Variants in MREG observed in about 807,000 individuals in gnomAD.
The protein encoded by MREG is melanoregulin.
MREG carries 31 observed loss-of-function variants against 28.5 expected under a neutral mutation model. The ratio of observed to expected loss-of-function variants is 1.09; its 90% CI spans 0.82 to 1.47. MREG has a LOEUF of 1.47. Among genes scored for constraint, MREG ranks in the 40% most tolerant of loss-of-function variants. The pLI is 0.00. For missense variants in MREG, 256 were observed against 257.4 expected, an observed-to-expected ratio of 0.99 and a Z score of 0.04; for synonymous variants, 106 against 95.2, an observed-to-expected ratio of 1.11 and a Z score of -0.66.
chr2:215,957,499 T>C lies in MREG; in HGVS notation c.256-10386A>G, dbSNP rs554045055. On this transcript the variant is annotated intron_variant, in intron 2 of 4. Coordinates refer to ENST00000263268, the MANE Select transcript of MREG (RefSeq NM_018000.3). ...AAGGAGTTTGACGAAGGTAAACCAT[T>C]CCCCTCAAGAGGAAGAAAGAGAGGA... 7.4e-4 allele frequency among the ~76,000 whole-genome samples: 112 copies of C among 152,042 alleles called. 2 individuals are homozygous for C. Among genetic ancestry groups the C allele is most frequent in the South Asian group, 3.5e-3 (17 of 4,798 alleles).
In MREG at chr2:215,943,758, T is replaced by C. The variant is rs1488245566; in HGVS notation, c.*1105A>G. On this transcript the variant is annotated 3_prime_UTR_variant, in exon 5 of 5. Coordinates refer to ENST00000263268, the MANE Select transcript of MREG (RefSeq NM_018000.3). ...CCAGAGGCTGAGGCAGGGGAATCAC[T>C]TGAAACCGGAAGGCGGAGGTTGCAG... The C allele has an allele frequency of 1.6e-5, 4 of 250,086 alleles. No homozygotes were observed. The highest frequency in any genetic ancestry group is 3.2e-5 in the Non-Finnish European group (4 of 125,728). 15.5% of individuals were successfully genotyped at this position (250,086 alleles called of 1,614,324 possible). A position where few individuals can be genotyped will look rare whatever the true frequency, so the allele number is the denominator to read the frequency against.
Position 215,943,258 on chromosome 2 carries a change from T to C in MREG, c.*1605A>G, listed in dbSNP as rs1692227579. On this transcript the variant is annotated 3_prime_UTR_variant, in exon 5 of 5. Transcript: ENST00000263268. ...CTTTTCAGTAACATGAACCATGATCTCTTGACAAGTTCCTTGCTTAAGTGG... is the reference window on the plus strand; with the variant it reads ...CTTTTCAGTAACATGAACCATGATCCCTTGACAAGTTCCTTGCTTAAGTGG... 2.8e-6 allele frequency: 1 copy of C among 351,270 alleles called. No individual in the cohort carries two copies. The highest frequency in any genetic ancestry group is 5.7e-6 in the Non-Finnish European group (1 of 175,120). The allele number at this position is 351,270 out of a possible 1,614,324, so 21.8% of individuals were successfully genotyped here.
intron 1 of MREG, among the ~76,000 whole-genome samples, chr2:216,019,794 C>T (rs186190866): frequency 4.0e-5 from 6 of 151,798 alleles, no homozygotes; most frequent in East Asian, 1.9e-4. Context: ...CTTGAGTCAC[C>T]GCTTCCAGCC....
At chr2:216,033,075 T>TG (rs1694735117), upstream of MREG, 1 of 152,326 alleles carries the variant, frequency 6.6e-6, no homozygotes, top group East Asian at 1.9e-4. Flanking sequence ...ACCTTTTAGT[T>TG]GGGGAACTTC....
At chr2:215,993,640 TGA>T (rs1454474640) in intron 2 of MREG, among the ~76,000 whole-genome samples, 1 of 152,128 alleles carries the variant, frequency 6.6e-6, no homozygotes, top group Non-Finnish European at 1.5e-5. Flanking sequence ...ACCTACAGAA[TGA>T]GAGAAAATTT....
intron 2 of MREG, among the ~76,000 whole-genome samples, chr2:215,995,708 T>C (rs1693854863): frequency 6.6e-6 from 1 of 152,216 alleles, no homozygotes; most frequent in South Asian, 2.1e-4. Context: ...GTCTTTGCTG[T>C]TGTTTTCTTA....
At chr2:216,007,160 C>T (rs935207034) in intron 1 of MREG, among the ~76,000 whole-genome samples, 1 of 152,188 alleles carries the variant, frequency 6.6e-6, no homozygotes, top group African/African-American at 2.4e-5. Flanking sequence ...ATAATTACAG[C>T]CAATCTTCAT....
chr2:216,032,080 T>C (rs1419056183), intron 1 of MREG, among the ~76,000 whole-genome samples: 1 of 152,196 alleles, frequency 6.6e-6, no homozygotes, highest in African/African-American at 2.4e-5. Context: ...GAAGGTAAAA[T>C]TACAGGGTAA....
At chr2:215,995,500 A>T (rs1231449323) in intron 2 of MREG, among the ~76,000 whole-genome samples, 1 of 130,400 alleles carries the variant, frequency 7.7e-6, no homozygotes, top group African/African-American at 3.4e-5. Flanking sequence ...CAGCACCTCC[A>T]CCCACCCCAC....
At chr2:215,950,895 G>C (rs1985310) in intron 2 of MREG, among the ~76,000 whole-genome samples, 44,528 of 152,062 alleles carry the variant, frequency 0.29, 7,398 homozygotes, top group Non-Finnish European at 0.38. Context: ...GGATCATAGA[G>C]GTGGTTTCTA....
chr2:215,979,657 C>T (rs2105999099), intron 2 of MREG, among the ~76,000 whole-genome samples: 1 of 151,994 alleles, frequency 6.6e-6, no homozygotes, highest in South Asian at 2.1e-4. Context: ...CACTTAACCT[C>T]TTGGGTCTCT....
intron 2 of MREG, among the ~76,000 whole-genome samples, chr2:215,995,504 A>ACCCCC (rs1194827809): frequency 1.1e-4 from 13 of 122,308 alleles, no homozygotes; most frequent in African/African-American, 2.6e-4. Flanking sequence ...ACCTCCACCC[A>ACCCCC]CCCCACCCCC....
chr2:215,947,068 G>T lies in MREG; in HGVS notation c.301C>A (p.Arg101=), dbSNP rs760611063. 8.7e-6 allele frequency: 14 copies of T among 1,612,724 alleles called. No individual in the cohort carries two copies. The African/African-American group carries it at 1.5e-4, about 17-fold the overall frequency. The change falls in exon 3 of 5, where the codon CGA becomes AGA. Residue 101 remains arginine, a synonymous_variant. Transcript: ENST00000263268. ...TTCCATCTGTTTCTTACTTCCCTTC[G>T]AACCTGCCGCAGGGTATGGATATCA... is the stretch of plus-strand genomic sequence containing the variant. ...NYDIHTLRQV[R]REVRNRWKCI...
At chr2:215,986,993 T>C (rs1574629275) in intron 2 of MREG, among the ~76,000 whole-genome samples, 1 of 152,212 alleles carries the variant, frequency 6.6e-6, no homozygotes, top group African/African-American at 2.4e-5. Flanking sequence ...GGATGTCCAC[T>C]ACAATATTGC....
Position 215,943,438 on chromosome 2 carries a change from A to G in MREG, c.*1425T>C, listed in dbSNP as rs1435607845. ...CTGCATATGTGCAAGTCTGCATGAGAGGTCCCCCCACAGGTGCAGCTGCCA... is the reference window on the plus strand; with the variant it reads ...CTGCATATGTGCAAGTCTGCATGAGGGGTCCCCCCACAGGTGCAGCTGCCA... On this transcript the variant is annotated 3_prime_UTR_variant, in exon 5 of 5. Coordinates refer to ENST00000263268, the MANE Select transcript of MREG (RefSeq NM_018000.3). 2.2e-6 allele frequency: 1 copy of G among 456,790 alleles called. No individual in the cohort carries two copies. Among genetic ancestry groups the G allele is most frequent in the Admixed American group, 2.3e-5 (1 of 42,586 alleles). 28.3% of individuals were successfully genotyped at this position (456,790 alleles called of 1,614,324 possible). A position where few individuals can be genotyped will look rare whatever the true frequency, so the allele number is the denominator to read the frequency against.
intron 1 of MREG, among the ~76,000 whole-genome samples, chr2:216,011,968 T>A (rs1486893989): frequency 6.6e-6 from 1 of 152,224 alleles, no homozygotes; most frequent in African/African-American, 2.4e-5. Flanking sequence ...AGTGGGAGTG[T>A]CATTGACAAG....
intron 1 of MREG, among the ~76,000 whole-genome samples, chr2:216,006,378 C>G (rs1472042639): frequency 2.0e-5 from 3 of 152,230 alleles, no homozygotes; most frequent in Admixed American, 6.5e-5. Context: ...CTGGCCCTCC[C>G]CTATCACTCC....
At chr2:215,993,411 A>G (rs1264849892) in intron 2 of MREG, among the ~76,000 whole-genome samples, 1 of 152,226 alleles carries the variant, frequency 6.6e-6, no homozygotes, top group Admixed American at 6.5e-5. Flanking sequence ...ACCTTACACA[A>G]AAATTAACTC....
intron 1 of MREG, among the ~76,000 whole-genome samples, chr2:216,028,438 G>A (rs879577112): frequency 6.9e-5 from 10 of 145,324 alleles, no homozygotes; most frequent in Admixed American, 5.0e-4. Flanking sequence ...GGAGGCAGGA[G>A]AATGTCATGA....
Sources: gnomAD v4.1 joint callset for allele counts (sites outside exome capture counted in the v4.1 genomes callset) on GRCh38, gnomAD v4.1.1 for gene constraint, MANE v1.5 for transcripts, NCBI Gene and HGNC (gene_info 2026-07-23, HGNC 2026-07-21) for gene names.